Variants in ACTR3C observed in about 807,000 individuals in gnomAD.
ACTR3C encodes the protein actin-related protein 3C.
ACTR3C carries 18 observed loss-of-function variants against 26.3 expected under a neutral mutation model. The observed-to-expected ratio is 0.68, with a 90% CI of 0.47 to 1.01. The LOEUF is 1.01. Among genes scored for constraint, ACTR3C ranks in the 50% least tolerant of loss-of-function variants. The pLI, the probability that ACTR3C is intolerant of heterozygous loss-of-function variation, is 0.00. For missense variants in ACTR3C, 184 were observed against 250.7 expected (o/e 0.73, Z 1.80); for synonymous variants, 55 against 94.5 (o/e 0.58, Z 2.42).
chr7:150,057,575 C>A, the ACTR3C span, among the ~76,000 whole-genome samples: 126 of 152,200 alleles, frequency 8.3e-4, no homozygotes, highest in African/African-American at 2.7e-3. Context: ...CATGAGCCAC[C>A]GTGCCCAGCC....
chr7:150,121,747 G>A, the ACTR3C span, among the ~76,000 whole-genome samples: 31 of 151,564 alleles, frequency 2.0e-4, no homozygotes, highest in Non-Finnish European at 3.8e-4. Context: ...AATTTCATAT[G>A]GAACCGAAAA....
the ACTR3C span, among the ~76,000 whole-genome samples, chr7:149,961,116 G>A: frequency 2.6e-5 from 4 of 151,940 alleles, no homozygotes; most frequent in Admixed American, 6.6e-5. Flanking sequence ...CACAGGAAGT[G>A]TACAGTCACA....
At chr7:150,125,060 A>G in the ACTR3C span, among the ~76,000 whole-genome samples, 1 of 152,164 alleles carries the variant, frequency 6.6e-6, no homozygotes, top group South Asian at 2.1e-4. Flanking sequence ...TGCTTTTGTC[A>G]TATTTTCCTT....
At chr7:150,223,942 A>G in the ACTR3C span, among the ~76,000 whole-genome samples, 1 of 152,176 alleles carries the variant, frequency 6.6e-6, no homozygotes, top group Non-Finnish European at 1.5e-5. Context: ...GGCAGAATTC[A>G]GTTCCTCAAA....
chr7:149,928,458 G>A, the ACTR3C span, among the ~76,000 whole-genome samples: 1 of 143,836 alleles, frequency 7.0e-6, no homozygotes, highest in East Asian at 2.0e-4. Context: ...CTGACCTCAT[G>A]ATCCACCTCC....
the ACTR3C span, among the ~76,000 whole-genome samples, chr7:150,040,288 C>T: frequency 6.8e-6 from 1 of 147,576 alleles, no homozygotes; most frequent in African/African-American, 2.6e-5. Context: ...GCCAGGGCCC[C>T]ACAGTTTGGG....
At chr7:150,168,843 A>G in the ACTR3C span, among the ~76,000 whole-genome samples, 5 of 150,890 alleles carry the variant, frequency 3.3e-5, no homozygotes, top group Non-Finnish European at 7.3e-5. Context: ...GACAAGAAAG[A>G]AAATCAGCTG....
At chr7:149,946,728 C>CT in the ACTR3C span, among the ~76,000 whole-genome samples, 1 of 152,172 alleles carries the variant, frequency 6.6e-6, no homozygotes, top group African/African-American at 2.4e-5. Context: ...ATGGCACATT[C>CT]TTTTTTTCTT....
At chr7:150,026,015 T>C in the ACTR3C span, among the ~76,000 whole-genome samples, 2 of 152,128 alleles carry the variant, frequency 1.3e-5, no homozygotes, top group Non-Finnish European at 2.9e-5. Flanking sequence ...CTAGTTTCCA[T>C]ATTTGTAAAA....
the ACTR3C span, among the ~76,000 whole-genome samples, chr7:150,010,376 A>G: frequency 1.3e-5 from 2 of 152,140 alleles, no homozygotes; most frequent in Non-Finnish European, 2.9e-5. Context: ...GTGTAATGTT[A>G]TATGTATGGG....
At chr7:149,998,356 G>T in the ACTR3C span, among the ~76,000 whole-genome samples, 3 of 149,784 alleles carry the variant, frequency 2.0e-5, 1 homozygote, top group Non-Finnish European at 4.4e-5. Context: ...TTTTAAAAAA[G>T]ATGACCACAA....
At chr7:150,298,731 T>C (rs368757902) in intron 1 of ACTR3C, among the ~76,000 whole-genome samples, 2,293 of 146,870 alleles carry the variant, frequency 0.016, 61 homozygotes, top group African/African-American at 0.055. Context: ...TCAAATTACA[T>C]TCTGAGGTTA....
chr7:150,076,618 G>C, the ACTR3C span: 1 of 152,120 alleles, frequency 6.6e-6, no homozygotes, highest in Non-Finnish European at 1.5e-5. Flanking sequence ...CAGATTGAGT[G>C]GATGTAGCAC....
chr7:149,942,234 GT>G, the ACTR3C span, among the ~76,000 whole-genome samples: 2 of 152,212 alleles, frequency 1.3e-5, no homozygotes, highest in Non-Finnish European at 2.9e-5. Context: ...ATATTTGAAA[GT>G]GGGGAAATCA....
chr7:150,053,724 C>T, the ACTR3C span, among the ~76,000 whole-genome samples: 1 of 152,360 alleles, frequency 6.6e-6, no homozygotes, highest in South Asian at 2.1e-4. Context: ...AGTGTCAACT[C>T]ATCAAATCCT....
the ACTR3C span, among the ~76,000 whole-genome samples, chr7:150,149,700 C>T: frequency 1.3e-5 from 2 of 152,000 alleles, no homozygotes; most frequent in African/African-American, 4.8e-5. Flanking sequence ...GCATAGTATT[C>T]CATGGCATAT....
At chr7:150,034,456 A>G in the ACTR3C span, among the ~76,000 whole-genome samples, 1 of 151,164 alleles carries the variant, frequency 6.6e-6, no homozygotes, top group Non-Finnish European at 1.5e-5. Flanking sequence ...TGGGATCCCC[A>G]TTTCAAAACT....
the ACTR3C span, among the ~76,000 whole-genome samples, chr7:150,171,221 T>C: frequency 0.012 from 1,563 of 131,336 alleles, 31 homozygotes; most frequent in African/African-American, 0.044. Flanking sequence ...TTCTGGGCCA[T>C]GAAACAAGTC....
At chr7:150,203,677 T>C in the ACTR3C span, among the ~76,000 whole-genome samples, 32 of 152,198 alleles carry the variant, frequency 2.1e-4, no homozygotes, top group African/African-American at 7.7e-4. Flanking sequence ...GGGATTCTCC[T>C]GCCTCAGCCT....
Sources: gnomAD v4.1 joint callset for allele counts (sites outside exome capture counted in the v4.1 genomes callset) on GRCh38, gnomAD v4.1.1 for gene constraint, MANE v1.5 for transcripts, NCBI Gene and HGNC (gene_info 2026-07-23, HGNC 2026-07-21) for gene names.